The following SENP7 variants were observed in gnomAD, a reference collection of about 807,000 sequenced individuals.
The protein encoded by SENP7 is SUMO specific peptidase 7.
A neutral mutation model predicts 141.2 loss-of-function variants in SENP7; 64 were observed. The ratio of observed to expected loss-of-function variants is 0.45; its 90% CI spans 0.37 to 0.56. The LOEUF is 0.56. Among genes scored for constraint, SENP7 ranks in the 20% least tolerant of loss-of-function variants. The pLI, the probability that SENP7 is intolerant of heterozygous loss-of-function variation, is 0.00. For synonymous variants in SENP7, 382 were observed against 426.4 expected (o/e 0.90, Z 1.28); for missense variants, 1,025 against 1,212.2 (o/e 0.85, Z 2.29).
rs377324148 is a variant in SENP7, at chr3:101,461,593, G to GA, written c.187-2542dup. On this transcript the variant is annotated intron_variant, in intron 3 of 23. Transcript: ENST00000394095. ...AATGTAAATGGTACAGGTACCGTAA[G>GA]AAAAAAAAAAACAGTATTGCAGTTC... is the stretch of plus-strand genomic sequence containing the variant. Among the ~76,000 whole-genome samples, 1,349 of 141,930 alleles carry GA rather than the reference G, an allele frequency of 9.5e-3. 23 individuals are homozygous for GA. The highest frequency in any genetic ancestry group is 0.032 in the African/African-American group (1,236 of 39,094). 93.1% of individuals were successfully genotyped at this position (141,930 alleles called of 152,430 possible). A position where few individuals can be genotyped will look rare whatever the true frequency, so the allele number is the denominator to read the frequency against.
intron 4 of SENP7, among the ~76,000 whole-genome samples, chr3:101,418,972 T>C (rs2061705487): frequency 6.6e-6 from 1 of 152,100 alleles, no homozygotes; most frequent in Non-Finnish European, 1.5e-5. Context: ...AATAGTTGAG[T>C]TTTTGCCTTC....
rs764881904 is a variant in SENP7, at chr3:101,367,944, A to G, written c.864T>C (p.Tyr288=). Residue 288 remains tyrosine (Y), a synonymous_variant, in exon 8 of 24, where the codon TAT becomes TAC. Transcript: ENST00000394095. ...GAGTGAGTTCCACTTTTGAATCAGA[A>G]TATTTAACATCCTTGTTTCTGCTTT... ...EQESRNKDVK[Y]SDSKVELTLI... is the part of the protein sequence containing the mutation. 1.9e-6 allele frequency: 3 copies of G among 1,612,960 alleles called. No homozygotes were observed. The highest frequency in any genetic ancestry group is 1.3e-5 in the African/African-American group (1 of 74,888).
chr3:101,431,123 G>A (rs916244919), intron 4 of SENP7, among the ~76,000 whole-genome samples: 3 of 152,198 alleles, frequency 2.0e-5, no homozygotes, highest in East Asian at 3.8e-4. Context: ...TTTGGAATAG[G>A]TGCAATGTGG....
At chr3:101,438,766 C>T (rs2062489234) in intron 4 of SENP7, among the ~76,000 whole-genome samples, 1 of 152,190 alleles carries the variant, frequency 6.6e-6, no homozygotes, top group South Asian at 2.1e-4. Context: ...GACCAGATGG[C>T]TTCACTGATG....
rs773883493 is a variant in SENP7, at chr3:101,372,130, C to A, written c.678-4G>T. On this transcript the variant is annotated splice_region_variant and splice_polypyrimidine_tract_variant and intron_variant, in intron 6 of 23. Coordinates refer to ENST00000394095, the MANE Select transcript of SENP7 (RefSeq NM_020654.5). ...TGTCTTACTTCGTTGTGAGCCCCTGCAAAAGAGAACTGTATTATACTCAAT... is the reference window on the plus strand; with the variant it reads ...TGTCTTACTTCGTTGTGAGCCCCTGAAAAAGAGAACTGTATTATACTCAAT... The A allele has an allele frequency of 9.5e-6, 14 of 1,475,174 alleles. No individual in the cohort carries two copies. Among genetic ancestry groups the A allele is most frequent in the Non-Finnish European group, 5.6e-6 (6 of 1,077,568 alleles). 91.4% of individuals were successfully genotyped at this position (1,475,174 alleles called of 1,614,324 possible). A position where few individuals can be genotyped will look rare whatever the true frequency, so the allele number is the denominator to read the frequency against.
intron 3 of SENP7, among the ~76,000 whole-genome samples, chr3:101,483,837 C>T (rs955667057): frequency 2.0e-5 from 3 of 152,128 alleles, no homozygotes; most frequent in Admixed American, 2.0e-4. Context: ...GCCTGGCCAA[C>T]ATGGTGAAAC....
Position 101,330,369 on chromosome 3 carries a change from T to A in SENP7, c.2716A>T (p.Thr906Ser), listed in dbSNP as rs752959795. The A allele has an allele frequency of 3.1e-6, 5 of 1,607,318 alleles. No individual in the cohort carries two copies. The highest frequency in any genetic ancestry group is 1.3e-5 in the African/African-American group (1 of 74,702). ...NKTIDNDLRT[T>S]STLSLSAEDS... is the part of the protein sequence containing the mutation. Reference sequence around the variant, plus strand: ...TCTGCACTCAAAGACAGTGTCGAAGTAGTACGTAGATCATTATCTAGTTAG... The same window carrying A: ...TCTGCACTCAAAGACAGTGTCGAAGAAGTACGTAGATCATTATCTAGTTAG... Residue 906 changes from threonine to serine, a missense_variant, in exon 20 of 24, where the codon ACT (threonine) becomes TCT (serine). Coordinates refer to ENST00000394095, the MANE Select transcript of SENP7 (RefSeq NM_020654.5).
chr3:101,394,939 G>A (rs2060926127), intron 6 of SENP7, among the ~76,000 whole-genome samples: 1 of 152,116 alleles, frequency 6.6e-6, no homozygotes, highest in South Asian at 2.1e-4. Context: ...TCATTTGTAT[G>A]TCTTTTTTTG....
rs535275233 is a variant in SENP7 at position 101,417,586 on chromosome 3, A to C, written c.482+7T>G. The C allele has an allele frequency of 6.9e-5, 111 of 1,605,232 alleles. No individual in the cohort carries two copies. In the East Asian group the frequency reaches 1.2e-3, roughly 18 times the overall value. ...AAGTTGAACAAAATCAATACTGAACAACATACCTTTCAGATAAATTAAGGC... is the reference window on the plus strand; with the variant it reads ...AAGTTGAACAAAATCAATACTGAACCACATACCTTTCAGATAAATTAAGGC... On this transcript the variant is annotated splice_region_variant and intron_variant, in intron 5 of 23. Coordinates refer to ENST00000394095, the MANE Select transcript of SENP7 (RefSeq NM_020654.5).
rs543715131 is a variant in SENP7, at chr3:101,444,887, TATA to T, written c.284+14065_284+14067del. On this transcript the variant is annotated intron_variant, in intron 4 of 23. Transcript: ENST00000394095. ...TGCACATGTACCCTAAAACTTAAAGTATAATAATAATAATAAATGAATAAATAA... is the reference window on the plus strand; with the variant it reads ...TGCACATGTACCCTAAAACTTAAAGTATAATAATAATAAATGAATAAATAA... Among the ~76,000 whole-genome samples, 1,136 of 151,268 alleles carry T rather than the reference TATA, an allele frequency of 7.5e-3. 15 individuals are homozygous for T. Among genetic ancestry groups the T allele is most frequent in the African/African-American group, 0.026 (1,087 of 41,260 alleles).
At chr3:101,443,235 G>T (rs1304895142) in intron 4 of SENP7, among the ~76,000 whole-genome samples, 3 of 152,128 alleles carry the variant, frequency 2.0e-5, no homozygotes, top group Non-Finnish European at 4.4e-5. Flanking sequence ...GTTTTTGTTA[G>T]GTTTGTCAAA....
Position 101,326,002 on chromosome 3 carries a change from C to G in SENP7, c.3094G>C (p.Asp1032His). ...PRHVIKTKRE[D>H]IRELILKLHL... ...AGTTTCAAGATGAGCTCTCGAATAT[C>G]TTCCCGTTTGGTCTTTATTACATGA... The change falls in exon 24 of 24, where the codon GAT (aspartate) becomes CAT (histidine). Residue 1032 changes from aspartate (D) to histidine (H), a missense_variant. Asp to His is a moderately conservative substitution (Grantham distance 81, BLOSUM62 -1). Around this residue, in one of 4 missense-constraint regions of SENP7, gnomAD observed 295 missense variants for 459.1 expected, o/e 0.64. Coordinates refer to ENST00000394095, the MANE Select transcript of SENP7 (RefSeq NM_020654.5). The G allele has an allele frequency of 1.9e-6, 3 of 1,611,270 alleles. No individual in the cohort carries two copies. The South Asian group carries it at 3.3e-5, about 18-fold the overall frequency.
intron 4 of SENP7, among the ~76,000 whole-genome samples, chr3:101,442,450 T>C (rs1324907505): frequency 6.6e-6 from 1 of 152,114 alleles, no homozygotes; most frequent in Admixed American, 6.5e-5. Context: ...CCTGTGAGAA[T>C]CTAATGCTCC....
intron 11 of SENP7, chr3:101,357,792 C>A: frequency 1.6e-6 from 1 of 608,126 alleles, no homozygotes. Flanking sequence ...AGCTTTTAAC[C>A]AGTCCTCAAC....
In SENP7 at chr3:101,429,989, T is replaced by C. The variant is rs190648936; in HGVS notation, c.285-12199A>G. 3.9e-3 allele frequency among the ~76,000 whole-genome samples: 601 copies of C among 152,264 alleles called. 3 individuals carry two copies. The highest frequency in any genetic ancestry group is 6.6e-3 in the Admixed American group (101 of 15,300). On this transcript the variant is annotated intron_variant, in intron 4 of 23. Coordinates refer to ENST00000394095, the MANE Select transcript of SENP7 (RefSeq NM_020654.5). ...GTTCTGTTTATGTGATGGATTACGT[T>C]TATTGATTTGTGTATGTTGAACCAG...
intron 4 of SENP7, among the ~76,000 whole-genome samples, chr3:101,444,228 A>G (rs1305489077): frequency 7.0e-6 from 1 of 143,398 alleles, no homozygotes; most frequent in Non-Finnish European, 1.5e-5. Context: ...CGATCATTAA[A>G]AAGTCAGGAA....
chr3:101,411,605 T>C (rs960928398), intron 5 of SENP7, among the ~76,000 whole-genome samples: 2 of 152,114 alleles, frequency 1.3e-5, no homozygotes, highest in African/African-American at 4.8e-5. Flanking sequence ...GCAGTACAGG[T>C]TTATAAATTA....
intron 5 of SENP7, among the ~76,000 whole-genome samples, chr3:101,411,461 C>T (rs1418231246): frequency 6.6e-6 from 1 of 152,176 alleles, no homozygotes; most frequent in African/African-American, 2.4e-5. Flanking sequence ...AGCCACAGCC[C>T]AAACACCTTT....
At chr3:101,473,142 C>T (rs780637039) in intron 3 of SENP7, among the ~76,000 whole-genome samples, 2 of 152,224 alleles carry the variant, frequency 1.3e-5, no homozygotes, top group Non-Finnish European at 2.9e-5. Context: ...CATTACTGGG[C>T]ATTTAGATTG....
Sources: gnomAD v4.1 joint callset for allele counts (sites outside exome capture counted in the v4.1 genomes callset) on GRCh38, gnomAD v4.1.1 for gene constraint, gnomAD v4.1.1 regional missense constraint, MANE v1.5 for transcripts, NCBI Gene and HGNC (gene_info 2026-07-23, HGNC 2026-07-21) for gene names.